TSPAN11: variants seen among roughly 807,000 people sequenced by gnomAD.
TSPAN11 encodes tetraspanin 11, also known as tetraspanin-11.
A neutral mutation model predicts 32.9 loss-of-function variants in TSPAN11; 29 were observed. The ratio of observed to expected loss-of-function variants is 0.88; its 90% CI spans 0.66 to 1.20. The LOEUF is 1.20. Among genes scored for constraint, TSPAN11 ranks in the 50% most tolerant of loss-of-function variants. TSPAN11 has a pLI of 0.00. For missense variants in TSPAN11, 283 were observed against 329.1 expected (o/e 0.86, Z 1.08); for synonymous variants, 140 against 141.3 (o/e 0.99, Z 0.07).
At chr12:30,978,250 G>A (rs551185960) in intron 3 of TSPAN11, 1 of 363,684 alleles carries the variant, frequency 2.7e-6, no homozygotes, top group Non-Finnish European at 5.1e-6. Context: ...TCACTCATCT[G>A]TCTTCCCACC....
intron 1 of TSPAN11, among the ~76,000 whole-genome samples, chr12:30,943,944 G>C (rs1042660091): frequency 6.6e-6 from 1 of 152,160 alleles, no homozygotes; most frequent in Non-Finnish European, 1.5e-5. Flanking sequence ...AAACCATTTA[G>C]ACTGTTTTTT....
intron 1 of TSPAN11, among the ~76,000 whole-genome samples, chr12:30,931,848 C>A (rs1279964234): frequency 2.3e-5 from 3 of 128,752 alleles, no homozygotes; most frequent in African/African-American, 8.7e-5. Context: ...CCACTGCACT[C>A]CAGCCTGGGC....
At chr12:30,957,560 A>G (rs73088054) in intron 2 of TSPAN11, among the ~76,000 whole-genome samples, 22,103 of 152,082 alleles carry the variant, frequency 0.15, 2,009 homozygotes, top group Non-Finnish European at 0.21. Flanking sequence ...TTGTGTGACT[A>G]TGGAAAAGCC....
At chr12:31,006,784 A>T in the TSPAN11 span, among the ~76,000 whole-genome samples, 1 of 152,190 alleles carries the variant, frequency 6.6e-6, no homozygotes, top group Non-Finnish European at 1.5e-5. Context: ...CTCATTTATT[A>T]ATTCTTGTAA....
chr12:30,979,425 G>A (rs947876114), intron 4 of TSPAN11, 141 bp from the exon 5 acceptor site: 26 of 738,166 alleles, frequency 3.5e-5, no homozygotes, highest in Non-Finnish European at 6.0e-5. Flanking sequence ...GGTCCCTTAC[G>A]CTGTTGAGAA....
chr12:30,957,221 G>C (rs1245727843), intron 2 of TSPAN11, among the ~76,000 whole-genome samples: 2 of 119,472 alleles, frequency 1.7e-5, no homozygotes, highest in Admixed American at 9.3e-5. Context: ...TTGCTGAATG[G>C]CCTGGGACCC....
chr12:31,010,609 T>C, the TSPAN11 span, among the ~76,000 whole-genome samples: 1 of 151,932 alleles, frequency 6.6e-6, no homozygotes, highest in African/African-American at 2.4e-5. Flanking sequence ...CTGGGCAACA[T>C]AGTGAGACCC....
rs559258163 is a variant in TSPAN11, at chr12:30,975,531, G to A, written c.277-3030G>A. ...TCTCTCCCCTCCTCCTGACCACTCC[G>A]CAGGTCAGATAGCCTGTTTGATGCC... On this transcript the variant is annotated intron_variant, in intron 3 of 7. Coordinates refer to ENST00000546076, the MANE Select transcript of TSPAN11 (RefSeq NM_001370302.1). The surrounding 1 kb of genome is among the most constrained non-coding windows in gnomAD (Gnocchi z 4.5). Among the ~76,000 whole-genome samples, 9 of 152,114 alleles carry A rather than the reference G, an allele frequency of 5.9e-5. No individual in the cohort carries two copies. Among genetic ancestry groups the A allele is most frequent in the Middle Eastern group, 3.4e-3 (1 of 294 alleles).
rs141491288 is a variant in TSPAN11, at chr12:30,932,516, C to T, written c.-12+5720C>T. Among the ~76,000 whole-genome samples the T allele has an allele frequency of 4.6e-3, 695 of 152,284 alleles. 5 individuals carry two copies. Among genetic ancestry groups the T allele is most frequent in the Middle Eastern group, 0.02 (6 of 294 alleles). On this transcript the variant is annotated intron_variant, in intron 1 of 7. Coordinates refer to ENST00000546076, the MANE Select transcript of TSPAN11 (RefSeq NM_001370302.1). Reference sequence around the variant, plus strand: ...TATTCCTCTAGTAGCATCCCTGGGGCTCACTAGGTCTCTGCGACTGTGCTG... The same window carrying T: ...TATTCCTCTAGTAGCATCCCTGGGGTTCACTAGGTCTCTGCGACTGTGCTG...
chr12:31,001,602 G>A (rs567053338), downstream of TSPAN11, among the ~76,000 whole-genome samples: 10 of 152,262 alleles, frequency 6.6e-5, no homozygotes, highest in South Asian at 1.5e-3. Context: ...TGTGTGTGCC[G>A]GCACCAGTGT....
At chr12:30,960,196 G>A (rs946296335) in intron 2 of TSPAN11, among the ~76,000 whole-genome samples, 2 of 151,902 alleles carry the variant, frequency 1.3e-5, no homozygotes, top group Non-Finnish European at 1.5e-5. Flanking sequence ...CACAGATGAT[G>A]AGTGTGGTTC....
At chr12:31,014,593 G>C in the TSPAN11 span, among the ~76,000 whole-genome samples, 1 of 151,932 alleles carries the variant, frequency 6.6e-6, no homozygotes. Flanking sequence ...TGCACAACTG[G>C]GAGTTCAAAA....
intron 1 of TSPAN11, among the ~76,000 whole-genome samples, chr12:30,941,437 T>C (rs539334824): frequency 3.9e-4 from 60 of 152,360 alleles, no homozygotes; most frequent in South Asian, 3.7e-3. Context: ...CCGAAACTAC[T>C]GTGCCAGCAG....
At chr12:30,936,625 T>A (rs976287991) in intron 1 of TSPAN11, among the ~76,000 whole-genome samples, 2 of 152,126 alleles carry the variant, frequency 1.3e-5, no homozygotes, top group South Asian at 2.1e-4. Flanking sequence ...GGGAAAGTGA[T>A]AAAGCTGAGA....
intron 5 of TSPAN11, among the ~76,000 whole-genome samples, chr12:30,981,681 C>T (rs1939095500): frequency 6.6e-6 from 1 of 152,208 alleles, no homozygotes; most frequent in African/African-American, 2.4e-5. Flanking sequence ...AAGCTTCTGT[C>T]ATCTTCTACC....
chr12:30,965,780 G>C (rs1938718665), intron 3 of TSPAN11, among the ~76,000 whole-genome samples: 1 of 152,164 alleles, frequency 6.6e-6, no homozygotes. Context: ...GCAGAGGCAG[G>C]TGAAGCAATT....
chr12:30,965,228 C>T (rs1379410730), intron 3 of TSPAN11, among the ~76,000 whole-genome samples: 1 of 152,184 alleles, frequency 6.6e-6, no homozygotes, highest in Admixed American at 6.5e-5. Context: ...TCTGCAGTGT[C>T]GGCAAGCCTG....
In TSPAN11 at chr12:30,992,131, A is replaced by C; in HGVS notation, c.*216A>C. On this transcript the variant is annotated 3_prime_UTR_variant, in exon 8 of 8. Coordinates refer to ENST00000546076, the MANE Select transcript of TSPAN11 (RefSeq NM_001370302.1). ...CCCTCTCCTCCATTTCTGAGCCCCCATGGCCAGATCCTGGGCAGGGAAATG... is the reference window on the plus strand; with the variant it reads ...CCCTCTCCTCCATTTCTGAGCCCCCCTGGCCAGATCCTGGGCAGGGAAATG... The C allele has an allele frequency of 1.6e-6, 1 of 606,890 alleles. No homozygotes were observed. The allele number at this position is 606,890 out of a possible 1,614,324, so 37.6% of individuals were successfully genotyped here.
At position 30,954,002 on chromosome 12, in the gene TSPAN11, A is replaced by G; in HGVS notation, c.11A>G (p.Tyr4Cys). 1 of 1,613,616 alleles carries G rather than the reference A, an allele frequency of 6.2e-7. No homozygotes were observed. Among genetic ancestry groups the G allele is most frequent in the South Asian group, 1.1e-5 (1 of 91,042 alleles). The change falls in exon 2 of 8, where the codon TAT becomes TGT. Residue 4 changes from tyrosine (Y) to cysteine (C), a missense_variant. By Grantham distance (194) the Tyr-to-Cys change is radical (BLOSUM62 -2). Coordinates refer to ENST00000546076, the MANE Select transcript of TSPAN11 (RefSeq NM_001370302.1). MAHYKTEQDDWLII... is the reference protein window; with the variant it reads MAHCKTEQDDWLII... ...GCAGGCCCAGAAGCCATGGCCCACT[A>G]TAAGACTGAGCAGGACGACTGGCTG...
Sources: allele counts gnomAD v4.1 joint callset (sites outside exome capture counted in the v4.1 genomes callset), GRCh38; gene constraint gnomAD v4.1.1; non-coding constraint Gnocchi (gnomAD v3.1); transcripts MANE v1.5; gene names NCBI Gene and HGNC (gene_info 2026-07-23, HGNC 2026-07-21).